AKAP13: variants seen among roughly 807,000 people sequenced by gnomAD.
AKAP13 encodes the protein A-kinase anchoring protein 13, also known as A-kinase anchor protein 13.
AKAP13 carries 80 observed loss-of-function variants against 264.5 expected under a neutral mutation model. The ratio of observed to expected loss-of-function variants is 0.30; its 90% CI spans 0.25 to 0.36. The LOEUF is 0.36. AKAP13 is among the 10% of genes least tolerant of loss of function. AKAP13 has a pLI of 1.00. For synonymous variants in AKAP13, 1,380 were observed against 1,250.2 expected (o/e 1.10, Z -2.19); for missense variants, 3,712 against 3,435.2 (o/e 1.08, Z -2.01).
intron 5 of AKAP13, among the ~76,000 whole-genome samples, chr15:85,551,791 G>C (rs1018124657): frequency 6.6e-6 from 1 of 152,214 alleles, no homozygotes; most frequent in South Asian, 2.1e-4. Context: ...AGAAAATACA[G>C]ACCTGGAGTA....
At chr15:85,689,034 A>G (rs893808543) in intron 16 of AKAP13, among the ~76,000 whole-genome samples, 3 of 152,224 alleles carry the variant, frequency 2.0e-5, no homozygotes, top group Non-Finnish European at 2.9e-5. Context: ...TCTTTTTTCT[A>G]AACCACAGTT....
intron 8 of AKAP13, among the ~76,000 whole-genome samples, chr15:85,612,163 T>G (rs1307736214): frequency 2.0e-5 from 3 of 152,206 alleles, no homozygotes; most frequent in Non-Finnish European, 2.9e-5. Flanking sequence ...ATTTCCTGGT[T>G]GTTGTTGAAA....
At chr15:85,740,961 C>T in intron 34 of AKAP13, 85 bp from the exon 35 acceptor site, 2 of 1,513,406 alleles carry the variant, frequency 1.3e-6, no homozygotes, top group East Asian at 2.3e-5. Flanking sequence ...GTGCCTGGTG[C>T]CCCCTGCTGT....
chr15:85,662,791 T>G (rs1207091195), intron 12 of AKAP13, among the ~76,000 whole-genome samples: 1 of 152,234 alleles, frequency 6.6e-6, no homozygotes, highest in Non-Finnish European at 1.5e-5. Context: ...AGGCAGCTAA[T>G]AAGATGCACT....
chr15:85,483,638 A>AAAAAAAAC (rs2075422374), intron 1 of AKAP13, among the ~76,000 whole-genome samples: 1 of 110,552 alleles, frequency 9.0e-6, no homozygotes, highest in Non-Finnish European at 1.8e-5. Context: ...GTCTCAAAAA[A>AAAAAAAAC]AAAAAAAAAA....
intron 1 of AKAP13, among the ~76,000 whole-genome samples, chr15:85,443,075 C>G (rs1328350151): frequency 6.6e-6 from 1 of 152,100 alleles, no homozygotes; most frequent in Non-Finnish European, 1.5e-5. Context: ...AAGTATCATT[C>G]AGTTAAAATT....
rs114219897 is a variant in AKAP13 at position 85,575,184 on chromosome 15, A to C, written c.716A>C (p.Tyr239Ser). 3.7e-4 allele frequency: 600 copies of C among 1,614,162 alleles called. 4 individuals carry two copies. In the Middle Eastern group the frequency reaches 5.4e-3, roughly 15 times the overall value. The change falls in exon 6 of 37, where the codon TAT becomes TCT. Residue 239 changes from tyrosine to serine, a missense_variant. Tyr to Ser is a moderately radical substitution (Grantham distance 144, BLOSUM62 -2). Around this residue, in one of 3 missense-constraint regions of AKAP13, gnomAD observed 2,759 missense variants for 2,411.7 expected, o/e 1.14. Coordinates refer to ENST00000394518, the MANE Select transcript of AKAP13 (RefSeq NM_007200.5). ...AGCAGTTTATCCTATGAAATACCGTATGGAGACTGTTCTGTGAGGCATCAT... is the reference window on the plus strand; with the variant it reads ...AGCAGTTTATCCTATGAAATACCGTCTGGAGACTGTTCTGTGAGGCATCAT... ...SWSSLSYEIP[Y>S]GDCSVRHHRE...
At chr15:85,657,476 T>C (rs1567178820) in intron 11 of AKAP13, among the ~76,000 whole-genome samples, 1 of 152,212 alleles carries the variant, frequency 6.6e-6, no homozygotes, top group Non-Finnish European at 1.5e-5. Context: ...TCGAGTGGTA[T>C]TATCCCCATG....
At chr15:85,439,800 TCA>T (rs2073540354) in intron 1 of AKAP13, among the ~76,000 whole-genome samples, 1 of 118,276 alleles carries the variant, frequency 8.5e-6, no homozygotes, top group African/African-American at 3.3e-5. Context: ...AAGGGGAATA[TCA>T]CACTCTGGGG....
At chr15:85,474,511 C>A (rs1001214523) in intron 1 of AKAP13, among the ~76,000 whole-genome samples, 1 of 152,218 alleles carries the variant, frequency 6.6e-6, no homozygotes, top group Non-Finnish European at 1.5e-5. Context: ...AGGGATTACT[C>A]ATGTCAGGAA....
At chr15:85,577,261 T>C (rs2079045359) in intron 6 of AKAP13, among the ~76,000 whole-genome samples, 1 of 152,102 alleles carries the variant, frequency 6.6e-6, no homozygotes, top group African/African-American at 2.4e-5. Flanking sequence ...ATTCACTGAG[T>C]GAGTAGGTGA....
intron 17 of AKAP13, among the ~76,000 whole-genome samples, chr15:85,707,546 T>G (rs996966833): frequency 3.9e-5 from 6 of 152,240 alleles, no homozygotes; most frequent in African/African-American, 1.4e-4. Flanking sequence ...TAACCCCTGT[T>G]AGGGGCTTTA....
At chr15:85,566,281 CAAGT>C (rs2078602931) in intron 5 of AKAP13, among the ~76,000 whole-genome samples, 1 of 152,218 alleles carries the variant, frequency 6.6e-6, no homozygotes, top group Non-Finnish European at 1.5e-5. Context: ...GGTGCCTTTA[CAAGT>C]AATAGCATCT....
chr15:85,645,646 C>T (rs998926232), intron 9 of AKAP13, among the ~76,000 whole-genome samples, 172 bp from the exon 10 acceptor site: 9 of 151,792 alleles, frequency 5.9e-5, no homozygotes, highest in African/African-American at 2.2e-4. Flanking sequence ...TGACTGTGTC[C>T]TTTTATAGCT....
Position 85,730,997 on chromosome 15 carries a change from CTTTTTTTTT to C in AKAP13, c.7282+306_7282+314del, listed in dbSNP as rs71468134. 2.3e-4 allele frequency among the ~76,000 whole-genome samples: 13 copies of C among 57,420 alleles called. No individual in the cohort carries two copies. In the South Asian group the frequency reaches 0.01, roughly 45 times the overall value. The allele number at this position is 57,420 out of a possible 152,430, so 37.7% of individuals were successfully genotyped here. A position where few individuals can be genotyped will look rare whatever the true frequency, so the allele number is the denominator to read the frequency against. ...ACTGTTTTTTAATTAGTCACTTATG[CTTTTTTTTT>C]TTTTTTTTTTTTTTTGGCAGGATCT... On this transcript the variant is annotated intron_variant, in intron 30 of 36. Coordinates refer to ENST00000394518, the MANE Select transcript of AKAP13 (RefSeq NM_007200.5).
intron 8 of AKAP13, chr15:85,619,249 G>T: frequency 2.2e-6 from 1 of 454,548 alleles, no homozygotes; most frequent in Non-Finnish European, 2.9e-6. Flanking sequence ...AACTGCAATT[G>T]GGTTTTCAAA....
At chr15:85,489,422 A>T (rs2075662969) in intron 2 of AKAP13, among the ~76,000 whole-genome samples, 1 of 152,202 alleles carries the variant, frequency 6.6e-6, no homozygotes, top group African/African-American at 2.4e-5. Flanking sequence ...TTAAAAGGAG[A>T]GTAACAGTGT....
rs182223987 is a variant in AKAP13, at chr15:85,551,171, T to C, written c.662+7216T>C. Among the ~76,000 whole-genome samples, 44 of 152,368 alleles carry C rather than the reference T, an allele frequency of 2.9e-4. No individual in the cohort carries two copies. In the East Asian group the frequency reaches 7.3e-3, roughly 25 times the overall value. On this transcript the variant is annotated intron_variant, in intron 5 of 36. Coordinates refer to ENST00000394518, the MANE Select transcript of AKAP13 (RefSeq NM_007200.5). Reference sequence around the variant, plus strand: ...TAACTCTGGTTCTCAGTGCCTTTTTTTCCCCCTAAGTTTTCAGCTGGACAA... The same window carrying C: ...TAACTCTGGTTCTCAGTGCCTTTTTCTCCCCCTAAGTTTTCAGCTGGACAA...
chr15:85,617,598 GGGAACCTT>G (rs1421914344), intron 8 of AKAP13, among the ~76,000 whole-genome samples: 1 of 152,174 alleles, frequency 6.6e-6, no homozygotes. Context: ...ACAGATGCCT[GGGAACCTT>G]GGAAGCAGGA....
Sources: allele counts gnomAD v4.1 joint callset (sites outside exome capture counted in the v4.1 genomes callset), GRCh38; gene constraint gnomAD v4.1.1; regional missense constraint gnomAD v4.1.1; transcripts MANE v1.5; gene names NCBI Gene and HGNC (gene_info 2026-07-23, HGNC 2026-07-21).